The following LRRC63 variants were observed in gnomAD, a reference collection of about 807,000 sequenced individuals.
LRRC63 encodes the protein leucine-rich repeat-containing protein 63.
LRRC63 carries 40 observed loss-of-function variants against 49.5 expected under a neutral mutation model. The ratio of observed to expected loss-of-function variants is 0.81; its 90% CI spans 0.63 to 1.05. The LOEUF is 1.05. Among genes scored for constraint, LRRC63 ranks in the 50% least tolerant of loss-of-function variants. The pLI is 0.00. For missense variants in LRRC63, 636 were observed against 663.1 expected (o/e 0.96, Z 0.45); for synonymous variants, 191 against 221.1 (o/e 0.86, Z 1.21).
intron 6 of LRRC63, chr13:46,249,880 T>A (rs1194544321): frequency 1.3e-5 from 2 of 152,066 alleles, no homozygotes; most frequent in African/African-American, 4.8e-5. Flanking sequence ...AGATAATAGA[T>A]TTAAATGGTT....
At chr13:46,252,551 A>G (rs993435996) in intron 7 of LRRC63, among the ~76,000 whole-genome samples, 1 of 152,064 alleles carries the variant, frequency 6.6e-6, no homozygotes, top group Non-Finnish European at 1.5e-5. Context: ...AGACAATTCA[A>G]TACAATTGAG....
chr13:46,273,299 C>T (rs1010570192), intron 9 of LRRC63, among the ~76,000 whole-genome samples: 2 of 152,044 alleles, frequency 1.3e-5, no homozygotes, highest in South Asian at 4.2e-4. Context: ...TCAGCCAGAA[C>T]AAAACATCCA....
At chr13:46,223,127 G>T (rs1301140543) in intron 2 of LRRC63, among the ~76,000 whole-genome samples, 2 of 150,436 alleles carry the variant, frequency 1.3e-5, no homozygotes, top group Non-Finnish European at 3.0e-5. Context: ...CGAGTTAATG[G>T]GTGCAGCACA....
rs371269925 is a variant in LRRC63, at chr13:46,245,921, G to T, written c.991-606G>T. On this transcript the variant is annotated intron_variant, in intron 5 of 9. Coordinates refer to ENST00000595396, the Ensembl canonical transcript of LRRC63. ...CACTTATCACATACAGAAATACTTA[G>T]TCTGATATGGTTTGGATCTGTGTCC... Among the ~76,000 whole-genome samples the T allele has an allele frequency of 4.6e-5, 7 of 152,264 alleles. No homozygotes were observed. The East Asian group carries it at 1.4e-3, about 29-fold the overall frequency.
intron 8 of LRRC63, among the ~76,000 whole-genome samples, chr13:46,264,690 T>C (rs2047659266): frequency 7.0e-6 from 1 of 143,176 alleles, no homozygotes; most frequent in Non-Finnish European, 1.5e-5. Flanking sequence ...GCTTTGTGTG[T>C]TCTATGTGTT....
intron 6 of LRRC63, among the ~76,000 whole-genome samples, chr13:46,248,955 A>G (rs2047296792): frequency 6.6e-6 from 1 of 151,908 alleles, no homozygotes; most frequent in African/African-American, 2.4e-5. Flanking sequence ...TTTGGCTACA[A>G]TAGAATTAAA....
chr13:46,233,499 A>G (rs902268313), intron 4 of LRRC63, among the ~76,000 whole-genome samples: 1 of 152,226 alleles, frequency 6.6e-6, no homozygotes, highest in Non-Finnish European at 1.5e-5. Context: ...ACATTATAAA[A>G]TATGTTTCTG....
intron 2 of LRRC63, among the ~76,000 whole-genome samples, chr13:46,218,282 C>T (rs991538628): frequency 6.6e-6 from 1 of 152,196 alleles, no homozygotes; most frequent in African/African-American, 2.4e-5. Context: ...AATCCAGGTG[C>T]TCCTGTATTG....
intron 7 of LRRC63, among the ~76,000 whole-genome samples, chr13:46,252,875 G>A (rs2047419868): frequency 1.3e-5 from 2 of 151,992 alleles, no homozygotes; most frequent in African/African-American, 2.4e-5. Flanking sequence ...CAGTAAGCAG[G>A]GACCAGATTA....
chr13:46,272,851 T>G (rs79224880), intron 9 of LRRC63, among the ~76,000 whole-genome samples: 1,852 of 152,302 alleles, frequency 0.012, 39 homozygotes, highest in African/African-American at 0.041. Context: ...GACACATACA[T>G]ACACAGTGAG....
chr13:46,240,190 G>A (rs1326265460), intron 5 of LRRC63, among the ~76,000 whole-genome samples: 3 of 146,934 alleles, frequency 2.0e-5, no homozygotes, highest in Non-Finnish European at 4.5e-5. Context: ...GCAGTGGCAC[G>A]ATCTTGGCTC....
chr13:46,231,650 C>T (rs745912997), intron 4 of LRRC63, among the ~76,000 whole-genome samples: 3 of 151,986 alleles, frequency 2.0e-5, no homozygotes, highest in Non-Finnish European at 4.4e-5. Context: ...ACTGGGACTG[C>T]AGGCATGCAC....
At chr13:46,222,022 A>G (rs1271543307) in intron 2 of LRRC63, among the ~76,000 whole-genome samples, 1 of 152,128 alleles carries the variant, frequency 6.6e-6, no homozygotes, top group Non-Finnish European at 1.5e-5. Context: ...AACATCTGTT[A>G]TTTTTTATCT....
chr13:46,228,005 G>A (rs1365773362), exon 3 of LRRC63: 53 of 1,550,874 alleles, frequency 3.4e-5, no homozygotes, highest in Non-Finnish European at 4.2e-5. Context: ...AGCACATCTC[G>A]AGAGACTTAA....
chr13:46,223,961 C>G (rs1481812086), intron 2 of LRRC63, among the ~76,000 whole-genome samples: 2 of 152,180 alleles, frequency 1.3e-5, no homozygotes, highest in African/African-American at 2.4e-5. Flanking sequence ...AGATGCTTTT[C>G]TCTTGCTTTT....
chr13:46,235,324 T>C (rs1213559728), intron 5 of LRRC63, among the ~76,000 whole-genome samples: 4 of 152,088 alleles, frequency 2.6e-5, no homozygotes, highest in South Asian at 2.1e-4. Flanking sequence ...AAAGAAAATA[T>C]ATGTCAAAGA....
chr13:46,231,475 AAG>A (rs893234114), intron 4 of LRRC63, among the ~76,000 whole-genome samples: 10 of 152,200 alleles, frequency 6.6e-5, no homozygotes, highest in Admixed American at 6.5e-4. Context: ...AAGCAGAAGC[AAG>A]AGAGAGTGAA....
chr13:46,266,394 T>A (rs2047684576), intron 8 of LRRC63, among the ~76,000 whole-genome samples: 1 of 152,232 alleles, frequency 6.6e-6, no homozygotes, highest in Non-Finnish European at 1.5e-5. Context: ...TATGAAAATA[T>A]ATTCTGTGTA....
intron 7 of LRRC63, among the ~76,000 whole-genome samples, chr13:46,255,645 A>AAAAAAAAAAAT (rs1555328641): frequency 1.5e-5 from 2 of 129,468 alleles, no homozygotes; most frequent in African/African-American, 5.8e-5. Context: ...CCCTGCCTCA[A>AAAAAAAAAAAT]ATATATATAT....
Sources: allele counts gnomAD v4.1 joint callset (sites outside exome capture counted in the v4.1 genomes callset), GRCh38; gene constraint gnomAD v4.1.1; transcripts MANE v1.5; gene names NCBI Gene and HGNC (gene_info 2026-07-23, HGNC 2026-07-21).